CHST8: variants seen among roughly 807,000 people sequenced by gnomAD.
CHST8 encodes the protein carbohydrate sulfotransferase 8.
A neutral mutation model predicts 15.0 loss-of-function variants in CHST8; 10 were observed. The ratio of observed to expected loss-of-function variants is 0.67; its 90% CI spans 0.41 to 1.13. The LOEUF is 1.13. CHST8 is among the 50% of genes most tolerant of loss of function. The pLI, the probability that CHST8 is intolerant of heterozygous loss-of-function variation, is 0.00. For missense variants in CHST8, 634 were observed against 608.2 expected, an observed-to-expected ratio of 1.04 and a Z score of -0.45; for synonymous variants, 259 against 256.6, an observed-to-expected ratio of 1.01 and a Z score of -0.09.
chr19:33,701,876 C>T (rs1169625315), intron 3 of CHST8, among the ~76,000 whole-genome samples: 1 of 152,254 alleles, frequency 6.6e-6, no homozygotes, highest in Non-Finnish European at 1.5e-5. Flanking sequence ...GCCTGCGTGG[C>T]TCAGCCAGGA....
intron 3 of CHST8, among the ~76,000 whole-genome samples, chr19:33,748,942 A>G (rs945199625): frequency 6.6e-6 from 1 of 152,144 alleles, no homozygotes; most frequent in South Asian, 2.1e-4. Context: ...GAGAGCCTCA[A>G]GGAGTGAGGC....
At chr19:33,753,103 G>A (rs1355964895) in intron 3 of CHST8, among the ~76,000 whole-genome samples, 1 of 152,026 alleles carries the variant, frequency 6.6e-6, no homozygotes, top group African/African-American at 2.4e-5. Flanking sequence ...ACTGTCACCT[G>A]TGCCACTGCC....
intron 1 of CHST8, among the ~76,000 whole-genome samples, chr19:33,630,503 C>T (rs540324095): frequency 6.7e-6 from 1 of 148,952 alleles, no homozygotes; most frequent in Admixed American, 6.7e-5. Flanking sequence ...ACTGACGGAG[C>T]CAGCACGTGG....
intron 3 of CHST8, among the ~76,000 whole-genome samples, chr19:33,695,979 C>T (rs1387100951): frequency 6.6e-6 from 1 of 151,904 alleles, no homozygotes; most frequent in Non-Finnish European, 1.5e-5. Context: ...GTGCCCACCA[C>T]CACACCTGGC....
chr19:33,771,494 G>A lies in CHST8; in HGVS notation c.168+44G>A, dbSNP rs572359168. On this transcript the variant is annotated intron_variant, in intron 4 of 4. Coordinates refer to ENST00000650847, the MANE Select transcript of CHST8 (RefSeq NM_001127895.2). ...ATAAATCTCAGTGCACACAGCCCTT[G>A]GGAAACTGGGGAGGGCTGGGAAGAA... 37 of 1,591,070 alleles carry A rather than the reference G, an allele frequency of 2.3e-5. No individual in the cohort carries two copies. The African/African-American group carries it at 5.0e-4, about 21-fold the overall frequency.
intron 1 of CHST8, among the ~76,000 whole-genome samples, chr19:33,638,316 A>G (rs980513975): frequency 1.3e-5 from 2 of 152,124 alleles, no homozygotes; most frequent in African/African-American, 4.8e-5. Context: ...TAATTACCCA[A>G]GCTTAAACGA....
chr19:33,728,969 G>A (rs1973949900), intron 3 of CHST8, among the ~76,000 whole-genome samples: 1 of 152,210 alleles, frequency 6.6e-6, no homozygotes, highest in African/African-American at 2.4e-5. Flanking sequence ...AGTCCTGCGG[G>A]ATGGGCTTGG....
intron 3 of CHST8, among the ~76,000 whole-genome samples, chr19:33,719,208 C>G (rs1260980472): frequency 6.6e-6 from 1 of 151,884 alleles, no homozygotes; most frequent in African/African-American, 2.4e-5. Context: ...AATGTTTACA[C>G]CTCCCTTGAT....
chr19:33,714,133 G>A (rs76825680), intron 3 of CHST8, among the ~76,000 whole-genome samples: 54 of 151,976 alleles, frequency 3.6e-4, no homozygotes, highest in South Asian at 6.2e-4. Context: ...ATTTGATCCC[G>A]CAGTTCCACT....
Position 33,659,766 on chromosome 19 carries a change from G to A in CHST8, c.-163-8001G>A, listed in dbSNP as rs542603780. Among the ~76,000 whole-genome samples, 8 of 152,092 alleles carry A rather than the reference G, an allele frequency of 5.3e-5. No individual in the cohort carries two copies. In the South Asian group the frequency reaches 1.5e-3, roughly 28 times the overall value. ...GTGGAGGCTGCAGTGAGCTGTGATC[G>A]CACCCCTGCACTCCAGCCTGGGTGA... is the stretch of plus-strand genomic sequence containing the variant. On this transcript the variant is annotated intron_variant, in intron 1 of 4. Transcript: ENST00000650847.
At chr19:33,676,790 C>G (rs1272245136) in intron 2 of CHST8, among the ~76,000 whole-genome samples, 2 of 151,500 alleles carry the variant, frequency 1.3e-5, no homozygotes, top group Non-Finnish European at 2.9e-5. Flanking sequence ...GGCAGGAGGA[C>G]CACTTGAGCC....
intron 2 of CHST8, among the ~76,000 whole-genome samples, chr19:33,671,533 C>T (rs1168666530): frequency 2.0e-5 from 3 of 152,162 alleles, no homozygotes; most frequent in Non-Finnish European, 4.4e-5. Flanking sequence ...GCTTCTCTGA[C>T]CATATCTTCT....
intron 2 of CHST8, among the ~76,000 whole-genome samples, chr19:33,680,623 C>A (rs1972873967): frequency 6.6e-6 from 1 of 152,160 alleles, no homozygotes; most frequent in East Asian, 1.9e-4. Flanking sequence ...TGTTTTAGTC[C>A]AAATCGATAT....
At chr19:33,635,165 T>A (rs1972177046) in intron 1 of CHST8, among the ~76,000 whole-genome samples, 1 of 152,204 alleles carries the variant, frequency 6.6e-6, no homozygotes, top group Non-Finnish European at 1.5e-5. Flanking sequence ...CGTCTTTTCA[T>A]AGATGATGTG....
At chr19:33,673,152 C>T (rs947243770) in intron 2 of CHST8, among the ~76,000 whole-genome samples, 3 of 152,174 alleles carry the variant, frequency 2.0e-5, no homozygotes, top group African/African-American at 7.2e-5. Flanking sequence ...GTCCGGGTGT[C>T]GTGGCTGGGA....
intron 3 of CHST8, among the ~76,000 whole-genome samples, chr19:33,741,683 G>C (rs192326449): frequency 1.3e-5 from 2 of 151,880 alleles, no homozygotes; most frequent in African/African-American, 4.8e-5. Context: ...CATCCTTGAG[G>C]TCTTTTATCA....
At chr19:33,761,980 G>C (rs962965196) in intron 3 of CHST8, among the ~76,000 whole-genome samples, 2 of 152,178 alleles carry the variant, frequency 1.3e-5, no homozygotes, top group Non-Finnish European at 2.9e-5. Context: ...TCCCCACCCA[G>C]GGCACGCTAC....
intron 3 of CHST8, among the ~76,000 whole-genome samples, chr19:33,703,154 C>T (rs73926590): frequency 6.6e-6 from 1 of 152,118 alleles, no homozygotes; most frequent in East Asian, 1.9e-4. Flanking sequence ...CAAAGAGGCC[C>T]GAGGTAGGGG....
At chr19:33,689,504 C>A in intron 3 of CHST8, 113 bp downstream of exon 3, 1 of 1,248,966 alleles carries the variant, frequency 8.0e-7, no homozygotes, top group Non-Finnish European at 1.1e-6. Context: ...CAAGTCTGTG[C>A]CAAGACCCCC....
Sources: allele counts gnomAD v4.1 joint callset (sites outside exome capture counted in the v4.1 genomes callset), GRCh38; gene constraint gnomAD v4.1.1; transcripts MANE v1.5; gene names NCBI Gene and HGNC (gene_info 2026-07-23, HGNC 2026-07-21).